The following EPB41L1 variants were observed in gnomAD, a reference collection of about 807,000 sequenced individuals.
EPB41L1 encodes erythrocyte membrane protein band 4.1 like 1, also known as band 4.1-like protein 1.
EPB41L1 carries 29 observed loss-of-function variants against 97.8 expected under a neutral mutation model. The ratio of observed to expected loss-of-function variants is 0.30; its 90% confidence interval spans 0.22 to 0.40. The LOEUF (loss-of-function observed/expected upper bound fraction) is 0.40, where lower values mean the gene tolerates loss of function less well. Among genes scored for constraint, EPB41L1 ranks in the 10% least tolerant of loss-of-function variants. EPB41L1 has a pLI of 1.00. For missense variants in EPB41L1, 812 were observed against 1,162.3 expected (o/e 0.70, Z 4.38); for synonymous variants, 383 against 459.2 (o/e 0.83, Z 2.12).
rs1600961888 is a variant in EPB41L1, at chr20:36,207,146, C to T, written c.1669-2342C>T. ...GCTCTGGAGGAAGCTTCTCCAAGCC[C>T]AACCTCCCATGGGTCAGGGGAGCCT... On this transcript the variant is annotated intron_variant, in intron 14 of 21. Transcript: ENST00000338074. The surrounding 1 kb of genome is among the most constrained non-coding windows in gnomAD (Gnocchi z 4.9). The T allele has an allele frequency of 1.2e-5, 15 of 1,289,442 alleles. No homozygotes were observed. Among genetic ancestry groups the T allele is most frequent in the Middle Eastern group, 2.1e-4 (1 of 4,718 alleles). The allele number at this position is 1,289,442 out of a possible 1,614,324, so 79.9% of individuals were successfully genotyped here.
chr20:36,110,397 C>T (rs1461247472), intron 1 of EPB41L1, among the ~76,000 whole-genome samples: 2 of 152,188 alleles, frequency 1.3e-5, no homozygotes, highest in Non-Finnish European at 2.9e-5. Context: ...CAGGCTTCAG[C>T]TCAGCCCCAG....
intron 1 of EPB41L1, among the ~76,000 whole-genome samples, chr20:36,101,684 A>C (rs935320121): frequency 6.6e-6 from 1 of 152,188 alleles, no homozygotes; most frequent in East Asian, 1.9e-4. Context: ...CCCTAAGAGC[A>C]ACAAAGGTGA....
At chr20:36,194,495 C>G (rs1406487701) in intron 12 of EPB41L1, 135 bp downstream of exon 12, 2 of 1,239,218 alleles carry the variant, frequency 1.6e-6, no homozygotes, top group Non-Finnish European at 2.3e-6. Context: ...ATGGCAGGGC[C>G]TTGCCTTTGG....
chr20:36,139,175 G>A (rs769244638), intron 2 of EPB41L1, among the ~76,000 whole-genome samples: 2 of 152,220 alleles, frequency 1.3e-5, no homozygotes, highest in Non-Finnish European at 2.9e-5. Flanking sequence ...AGGCAGTGTG[G>A]GAAGGGAGAC....
intron 3 of EPB41L1, among the ~76,000 whole-genome samples, chr20:36,176,633 T>TC (rs372552820): frequency 1.1e-3 from 159 of 149,480 alleles, no homozygotes; most frequent in African/African-American, 3.7e-3. Context: ...TTTTTTTCTT[T>TC]TTTTTTTTTT....
intron 18 of EPB41L1, 122 bp from the exon 19 acceptor site, chr20:36,219,639 T>G (rs1481167701): frequency 2.5e-6 from 2 of 797,782 alleles, no homozygotes; most frequent in Non-Finnish European, 4.5e-6. Context: ...TCTTAATGGC[T>G]GAAAGCATCT....
intron 2 of EPB41L1, among the ~76,000 whole-genome samples, chr20:36,144,906 T>G: frequency 6.6e-6 from 1 of 152,174 alleles, no homozygotes; most frequent in Admixed American, 6.5e-5. Flanking sequence ...CACAAATAGA[T>G]TAAGCACATC....
chr20:36,160,294 G>T (rs1038289310), intron 1 of EPB41L1, among the ~76,000 whole-genome samples: 1 of 152,170 alleles, frequency 6.6e-6, no homozygotes, highest in Non-Finnish European at 1.5e-5. Flanking sequence ...TAATAATTCA[G>T]AAGTGTAGGC....
intron 21 of EPB41L1, among the ~76,000 whole-genome samples, chr20:36,225,283 C>A (rs2064052435): frequency 1.3e-5 from 2 of 152,356 alleles, no homozygotes; most frequent in South Asian, 4.1e-4. Context: ...GTTTTTCAAT[C>A]ATTCTTCCTT....
chr20:36,159,187 T>C (rs548614992), intron 1 of EPB41L1, among the ~76,000 whole-genome samples: 399 of 152,326 alleles, frequency 2.6e-3, no homozygotes, highest in Non-Finnish European at 4.7e-3. Flanking sequence ...AGGGCTGGTC[T>C]CCCTTTAGTC....
upstream of EPB41L1, among the ~76,000 whole-genome samples, chr20:36,153,534 G>T (rs560920897): frequency 6.6e-6 from 1 of 152,268 alleles, no homozygotes; most frequent in East Asian, 1.9e-4. Flanking sequence ...GGAGGTGAGG[G>T]TGGTGACTGG....
Position 36,188,338 on chromosome 20 carries a change from C to T in EPB41L1, c.874-9C>T. The T allele has an allele frequency of 4.3e-6, 7 of 1,613,114 alleles. No homozygotes were observed. The highest frequency in any genetic ancestry group is 5.9e-6 in the Non-Finnish European group (7 of 1,179,946). ...CGGGCCTCCCATTCCATGGTCTCTT[C>T]TCATGCAGGACTCTGAGGGCATCGA... On this transcript the variant is annotated splice_polypyrimidine_tract_variant and intron_variant, in intron 8 of 21. Coordinates refer to ENST00000338074, the MANE Select transcript of EPB41L1 (RefSeq NM_012156.2).
At chr20:36,104,086 T>C (rs2058111288) in intron 1 of EPB41L1, among the ~76,000 whole-genome samples, 1 of 152,136 alleles carries the variant, frequency 6.6e-6, no homozygotes, top group African/African-American at 2.4e-5. Context: ...AAAATAATAA[T>C]AACAGGAGTT....
chr20:36,221,856 C>T lies in EPB41L1; in HGVS notation c.2440-8C>T. The T allele has an allele frequency of 6.2e-7, 1 of 1,614,110 alleles. No homozygotes were observed. The highest frequency in any genetic ancestry group is 8.5e-7 in the Non-Finnish European group (1 of 1,179,966). ...CAAGAGTGACCTCACCTCCCTCTCC[C>T]TCTGCAGACTGTGAAAGGAGGGTTT... On this transcript the variant is annotated splice_polypyrimidine_tract_variant and splice_region_variant and intron_variant, in intron 19 of 21. Transcript: ENST00000338074.
At chr20:36,210,709 AC>A (rs1370929033) in intron 15 of EPB41L1, among the ~76,000 whole-genome samples, 1 of 151,718 alleles carries the variant, frequency 6.6e-6, no homozygotes, top group Non-Finnish European at 1.5e-5. Flanking sequence ...TTTCCTGACC[AC>A]CCTGGGCAGA....
At chr20:36,125,884 T>C (rs2058945133) in intron 2 of EPB41L1, among the ~76,000 whole-genome samples, 1 of 151,804 alleles carries the variant, frequency 6.6e-6, no homozygotes, top group Non-Finnish European at 1.5e-5. Flanking sequence ...CTCAGGCTCA[T>C]GGAAGTGTAG....
chr20:36,109,602 T>C (rs545958733), intron 1 of EPB41L1: 1 of 152,234 alleles, frequency 6.6e-6, no homozygotes, highest in Admixed American at 6.5e-5. Flanking sequence ...TAAAATAGCT[T>C]GAGGGTGGGA....
chr20:36,113,427 TG>T (rs1470598290), intron 2 of EPB41L1, among the ~76,000 whole-genome samples: 3 of 85,302 alleles, frequency 3.5e-5, no homozygotes, highest in African/African-American at 2.8e-4. Context: ...TGTGTGTGTG[TG>T]TGTGTGTGTG....
chr20:36,207,150 C>T lies in EPB41L1; in HGVS notation c.1669-2338C>T. The T allele has an allele frequency of 7.8e-7, 1 of 1,289,562 alleles. No individual in the cohort carries two copies. Among genetic ancestry groups the T allele is most frequent in the Non-Finnish European group, 1.0e-6 (1 of 988,634 alleles). The allele number at this position is 1,289,562 out of a possible 1,614,324, so 79.9% of individuals were successfully genotyped here. A position where few individuals can be genotyped will look rare whatever the true frequency, so the allele number is the denominator to read the frequency against. On this transcript the variant is annotated intron_variant, in intron 14 of 21. Coordinates refer to ENST00000338074, the MANE Select transcript of EPB41L1 (RefSeq NM_012156.2). The surrounding 1 kb of genome is among the most constrained non-coding windows in gnomAD (Gnocchi z 4.9). ...TGGAGGAAGCTTCTCCAAGCCCAAC[C>T]TCCCATGGGTCAGGGGAGCCTTCGG...
Sources: gnomAD v4.1 joint callset for allele counts (sites outside exome capture counted in the v4.1 genomes callset) on GRCh38, gnomAD v4.1.1 for gene constraint, Gnocchi (gnomAD v3.1) non-coding constraint, MANE v1.5 for transcripts, NCBI Gene and HGNC (gene_info 2026-07-23, HGNC 2026-07-21) for gene names.